Variants in ERBB4 observed in about 807,000 individuals in gnomAD.
ERBB4 encodes the protein receptor tyrosine-protein kinase erbB-4.
Under a neutral mutation model 158.0 loss-of-function variants are expected in ERBB4, and 42 were observed. The observed-to-expected ratio is 0.27, with a 90% CI of 0.21 to 0.34. The LOEUF (loss-of-function observed/expected upper bound fraction) is 0.34, where lower values mean the gene tolerates loss of function less well. Among genes scored for constraint, ERBB4 ranks in the 10% least tolerant of loss-of-function variants. ERBB4 has a pLI of 1.00. For missense variants in ERBB4, 1,333 were observed against 1,624.1 expected, an observed-to-expected ratio of 0.82 and a Z score of 3.08; for synonymous variants, 583 against 558.7, an observed-to-expected ratio of 1.04 and a Z score of -0.61.
intron 5 of ERBB4, among the ~76,000 whole-genome samples, chr2:211,747,854 G>T (rs1371052546): frequency 6.6e-6 from 1 of 151,184 alleles, no homozygotes; most frequent in African/African-American, 2.4e-5. Flanking sequence ...GTCTTTCTTG[G>T]TATCTGCAGT....
chr2:212,062,489 T>A (rs574420065), intron 2 of ERBB4, among the ~76,000 whole-genome samples: 1 of 141,470 alleles, frequency 7.1e-6, no homozygotes, highest in Admixed American at 7.6e-5. Flanking sequence ...CTCACTGCAA[T>A]CTCCAGCTCC....
intron 16 of ERBB4, among the ~76,000 whole-genome samples, chr2:211,642,432 C>T (rs1440356098): frequency 6.6e-6 from 1 of 152,036 alleles, no homozygotes; most frequent in Non-Finnish European, 1.5e-5. Context: ...CTGCTATTTG[C>T]TCCGTGTTAC....
Position 211,375,775 on chromosome 2 carries a change from AC to A in ERBB4, c.*7839del, listed in dbSNP as rs770513531. ...ATATTAAATTAAAAATATATTTCTG[AC>A]AGATTCATGTAACAAAAAGGCAGAA... On this transcript the variant is annotated 3_prime_UTR_variant, in exon 28 of 28. Coordinates refer to ENST00000342788, the MANE Select transcript of ERBB4 (RefSeq NM_005235.3). 4.4e-4 allele frequency: 102 copies of A among 231,682 alleles called. No individual in the cohort carries two copies. Among genetic ancestry groups the A allele is most frequent in the South Asian group, 2.0e-3 (11 of 5,512 alleles). The allele number at this position is 231,682 out of a possible 1,614,324, so 14.4% of individuals were successfully genotyped here.
At chr2:212,309,873 C>G (rs556219389) in intron 1 of ERBB4, among the ~76,000 whole-genome samples, 94 of 150,384 alleles carry the variant, frequency 6.3e-4, no homozygotes, top group African/African-American at 2.2e-3. Flanking sequence ...TATTTAAACT[C>G]AGGAGATGTT....
intron 2 of ERBB4, among the ~76,000 whole-genome samples, chr2:212,102,106 A>ATATATATATATATATATATATATT (rs1168884117): frequency 7.1e-6 from 1 of 140,930 alleles, no homozygotes; most frequent in Non-Finnish European, 1.5e-5. Flanking sequence ...ATATATATAT[A>ATATATATATATATATATATATATT]TATATATGTC....
chr2:212,151,180 G>A (rs983373886), intron 1 of ERBB4, among the ~76,000 whole-genome samples: 1 of 151,730 alleles, frequency 6.6e-6, no homozygotes, highest in African/African-American at 2.4e-5. Flanking sequence ...TAGGTTAAGA[G>A]TATAAAACAT....
chr2:211,974,757 GT>G (rs1329371099), intron 2 of ERBB4, among the ~76,000 whole-genome samples: 1 of 152,050 alleles, frequency 6.6e-6, no homozygotes, highest in Non-Finnish European at 1.5e-5. Context: ...GTGAAACACT[GT>G]CTCAAAAAAG....
chr2:211,388,056 AAAAG>A (rs2062724657), intron 25 of ERBB4, 64 bp from the exon 26 acceptor site: 12 of 1,267,504 alleles, frequency 9.5e-6, no homozygotes, highest in East Asian at 2.3e-5. Flanking sequence ...AAAAATTAAA[AAAAG>A]AAACGAAAAA....
At chr2:211,513,357 CAAAA>C (rs61042785) in intron 20 of ERBB4, among the ~76,000 whole-genome samples, 9 of 39,200 alleles carry the variant, frequency 2.3e-4, no homozygotes, top group Admixed American at 6.4e-4. Context: ...GACTCCGTCT[CAAAA>C]AAAAAAAAAA....
At chr2:211,425,477 C>T (rs1349456582) in intron 22 of ERBB4, among the ~76,000 whole-genome samples, 1 of 151,828 alleles carries the variant, frequency 6.6e-6, no homozygotes, top group South Asian at 2.1e-4. Context: ...TACCTAGTGA[C>T]AATTTAATTG....
chr2:211,902,372 G>C (rs1321838577), intron 3 of ERBB4, among the ~76,000 whole-genome samples: 1 of 151,834 alleles, frequency 6.6e-6, no homozygotes, highest in South Asian at 2.1e-4. Flanking sequence ...ATATATTATA[G>C]ATATTAACAT....
intron 1 of ERBB4, among the ~76,000 whole-genome samples, chr2:212,363,930 G>A (rs1040708301): frequency 1.3e-5 from 2 of 151,616 alleles, no homozygotes; most frequent in African/African-American, 4.8e-5. Context: ...GAGGATCAAG[G>A]ATCAGAGAAA....
At chr2:212,046,605 G>A (rs2077267207) in intron 2 of ERBB4, among the ~76,000 whole-genome samples, 2 of 152,138 alleles carry the variant, frequency 1.3e-5, no homozygotes, top group South Asian at 2.1e-4. Flanking sequence ...ACATTCTATT[G>A]TACAGAAGGA....
At chr2:212,508,097 T>C (rs982933413) in intron 1 of ERBB4, among the ~76,000 whole-genome samples, 2 of 152,306 alleles carry the variant, frequency 1.3e-5, no homozygotes, top group East Asian at 1.9e-4. Flanking sequence ...TTACAACCCA[T>C]TGAAGGCTCA....
intron 1 of ERBB4, among the ~76,000 whole-genome samples, chr2:212,533,037 G>A (rs1348638473): frequency 1.3e-5 from 2 of 151,940 alleles, no homozygotes; most frequent in African/African-American, 2.4e-5. Context: ...TGGAAAATAC[G>A]GCAATTTATT....
At chr2:212,338,320 G>A (rs570521141) in intron 1 of ERBB4, among the ~76,000 whole-genome samples, 1 of 152,170 alleles carries the variant, frequency 6.6e-6, no homozygotes, top group African/African-American at 2.4e-5. Context: ...TACTGTGGCA[G>A]TAAGTTTTTT....
At chr2:211,649,549 G>A (rs1373694331) in intron 16 of ERBB4, among the ~76,000 whole-genome samples, 1 of 151,856 alleles carries the variant, frequency 6.6e-6, no homozygotes, top group African/African-American at 2.4e-5. Flanking sequence ...GAACAAAGGA[G>A]TTGCTTTGTA....
chr2:212,340,424 C>T lies in ERBB4; in HGVS notation c.82+198025G>A, dbSNP rs115347617. 6.6e-3 allele frequency among the ~76,000 whole-genome samples: 1,005 copies of T among 152,242 alleles called. 13 individuals carry two copies. The highest frequency in any genetic ancestry group is 0.023 in the African/African-American group (962 of 41,544). On this transcript the variant is annotated intron_variant, in intron 1 of 27. Coordinates refer to ENST00000342788, the MANE Select transcript of ERBB4 (RefSeq NM_005235.3). ...ATTATATCATACAATAGAATGAAATCATTATACAACTCACCATAATGTAGA... is the reference window on the plus strand; with the variant it reads ...ATTATATCATACAATAGAATGAAATTATTATACAACTCACCATAATGTAGA...
intron 1 of ERBB4, among the ~76,000 whole-genome samples, chr2:212,151,885 G>A (rs1338528729): frequency 6.6e-6 from 1 of 152,092 alleles, no homozygotes; most frequent in African/African-American, 2.4e-5. Flanking sequence ...TTTAAGATGG[G>A]CCATAATCAC....
Sources: gnomAD v4.1 joint callset for allele counts (sites outside exome capture counted in the v4.1 genomes callset) on GRCh38, gnomAD v4.1.1 for gene constraint, MANE v1.5 for transcripts, NCBI Gene and HGNC (gene_info 2026-07-23, HGNC 2026-07-21) for gene names.